Variants in RGS6 observed in about 807,000 individuals in gnomAD.
RGS6 encodes the protein regulator of G protein signaling 6, also known as regulator of G-protein signaling 6.
Under a neutral mutation model 78.5 loss-of-function variants are expected in RGS6, and 30 were observed. The observed-to-expected ratio is 0.38, with a 90% CI of 0.29 to 0.52. The LOEUF (loss-of-function observed/expected upper bound fraction) is 0.52. Among genes scored for constraint, RGS6 ranks in the 20% least tolerant of loss-of-function variants. The pLI, the probability that RGS6 is intolerant of heterozygous loss-of-function variation, is 0.85. For missense variants in RGS6, 495 were observed against 609.7 expected (o/e 0.81, Z 1.98); for synonymous variants, 206 against 206.0 (o/e 1.00, Z 0.00).
intron 2 of RGS6, among the ~76,000 whole-genome samples, chr14:72,194,709 A>G (rs1408576269): frequency 1.3e-5 from 2 of 152,354 alleles, no homozygotes; most frequent in South Asian, 2.1e-4. Context: ...TAAAAAAACA[A>G]TAAGTGAATT....
the RGS6 span, among the ~76,000 whole-genome samples, chr14:72,585,055 CAA>C: frequency 6.7e-6 from 1 of 148,304 alleles, no homozygotes; most frequent in African/African-American, 2.4e-5. Context: ...TCTTCATTTC[CAA>C]AAAAAAATGA....
chr14:72,278,681 G>T (rs2061090646), intron 2 of RGS6, among the ~76,000 whole-genome samples: 1 of 152,142 alleles, frequency 6.6e-6, no homozygotes, highest in East Asian at 1.9e-4. Flanking sequence ...ACAATCATGG[G>T]AGCTGGTCTG....
At chr14:71,962,925 G>C (rs919864918) in intron 1 of RGS6, among the ~76,000 whole-genome samples, 1 of 152,060 alleles carries the variant, frequency 6.6e-6, no homozygotes, top group Non-Finnish European at 1.5e-5. Flanking sequence ...TTTCTGTCAC[G>C]TATGGTATTT....
At chr14:72,512,352 A>AT (rs2096888933) in intron 14 of RGS6, among the ~76,000 whole-genome samples, 1 of 152,144 alleles carries the variant, frequency 6.6e-6, no homozygotes, top group African/African-American at 2.4e-5. Context: ...CCAGAACCAC[A>AT]TATCAGTTCA....
the RGS6 span, among the ~76,000 whole-genome samples, chr14:71,867,768 C>T: frequency 1.3e-5 from 2 of 152,112 alleles, no homozygotes; most frequent in Admixed American, 6.5e-5. Context: ...ATAGATTTTA[C>T]GTATGCTGGC....
intron 2 of RGS6, among the ~76,000 whole-genome samples, chr14:72,100,388 G>C (rs750945557): frequency 1.3e-5 from 2 of 152,174 alleles, no homozygotes; most frequent in East Asian, 1.9e-4. Context: ...CCAGCTACTC[G>C]GGAGGCTGAG....
chr14:72,001,341 T>C (rs1340763125), intron 2 of RGS6, among the ~76,000 whole-genome samples: 1 of 152,170 alleles, frequency 6.6e-6, no homozygotes, highest in East Asian at 1.9e-4. Context: ...AAAATAACAC[T>C]GGAGAATTGC....
the RGS6 span, among the ~76,000 whole-genome samples, chr14:71,922,861 C>CA: frequency 1.5e-5 from 2 of 129,504 alleles, no homozygotes; most frequent in African/African-American, 2.8e-5. Flanking sequence ...AAAACAAAAA[C>CA]AAAACAAAAC....
chr14:72,222,816 C>G (rs2047184614), intron 2 of RGS6, among the ~76,000 whole-genome samples: 1 of 152,228 alleles, frequency 6.6e-6, no homozygotes, highest in African/African-American at 2.4e-5. Flanking sequence ...TGCTAATTTT[C>G]TTTACTATGG....
At chr14:71,976,068 CT>C (rs1346683629) in intron 2 of RGS6, among the ~76,000 whole-genome samples, 1 of 151,664 alleles carries the variant, frequency 6.6e-6, no homozygotes, top group Non-Finnish European at 1.5e-5. Context: ...ATTTAATTTT[CT>C]TTTTATAGTT....
intron 7 of RGS6, among the ~76,000 whole-genome samples, chr14:72,467,392 C>T (rs1164385530): frequency 6.6e-6 from 1 of 152,136 alleles, no homozygotes; most frequent in East Asian, 1.9e-4. Flanking sequence ...CCGCCAAAGC[C>T]CTTCCTGCTT....
At chr14:71,968,812 A>G (rs1357549115) in intron 2 of RGS6, among the ~76,000 whole-genome samples, 2 of 152,176 alleles carry the variant, frequency 1.3e-5, no homozygotes, top group East Asian at 3.8e-4. Flanking sequence ...ACTTGGATTA[A>G]TGTCTCACTT....
intron 1 of RGS6, among the ~76,000 whole-genome samples, chr14:71,956,573 T>C (rs977673709): frequency 3.9e-5 from 6 of 152,018 alleles, no homozygotes; most frequent in Non-Finnish European, 7.4e-5. Flanking sequence ...GGGAGAAAGA[T>C]GTAGGCTGGG....
At chr14:72,269,571 T>A (rs1252824431) in intron 2 of RGS6, among the ~76,000 whole-genome samples, 4 of 20,226 alleles carry the variant, frequency 2.0e-4, no homozygotes, top group Non-Finnish European at 4.6e-4. Context: ...TCTTAAATTT[T>A]TTTTTTTTTT....
At chr14:72,174,433 G>A (rs207474953) in intron 2 of RGS6, among the ~76,000 whole-genome samples, 2 of 152,226 alleles carry the variant, frequency 1.3e-5, no homozygotes, top group Admixed American at 1.3e-4. Context: ...CAGCTCTTGG[G>A]AGGTGGCTCT....
chr14:72,110,493 A>T (rs1003647536), intron 2 of RGS6, among the ~76,000 whole-genome samples: 5 of 152,186 alleles, frequency 3.3e-5, no homozygotes, highest in Admixed American at 1.3e-4. Flanking sequence ...CTCTCGGCAG[A>T]AAGTCTACTG....
intron 6 of RGS6, chr14:72,464,625 CTGT>C (rs530547336): frequency 8.1e-4 from 123 of 152,312 alleles, no homozygotes; most frequent in African/African-American, 2.9e-3. Flanking sequence ...CTTGATCATT[CTGT>C]TGTTCATTTA....
intron 3 of RGS6, among the ~76,000 whole-genome samples, chr14:72,355,971 C>G (rs2080182868): frequency 6.6e-6 from 1 of 152,128 alleles, no homozygotes; most frequent in South Asian, 2.1e-4. Flanking sequence ...GAATGGTGAG[C>G]TTGATCACTT....
chr14:72,280,228 A>G (rs1384690598), intron 2 of RGS6, among the ~76,000 whole-genome samples: 1 of 152,016 alleles, frequency 6.6e-6, no homozygotes, highest in East Asian at 1.9e-4. Context: ...TTGGAACCAG[A>G]CAGTTGAAGT....
Sources: gnomAD v4.1 joint callset for allele counts (sites outside exome capture counted in the v4.1 genomes callset) on GRCh38, gnomAD v4.1.1 for gene constraint, MANE v1.5 for transcripts, NCBI Gene and HGNC (gene_info 2026-07-23, HGNC 2026-07-21) for gene names.